Variants in PNLIP observed in about 807,000 individuals in gnomAD.
PNLIP encodes pancreatic triacylglycerol lipase.
In PNLIP, 49 loss-of-function variants were observed where a neutral mutation model predicts 57.1. The ratio of observed to expected loss-of-function variants is 0.86; its 90% CI spans 0.68 to 1.09. The LOEUF is 1.09. Among genes scored for constraint, PNLIP ranks in the 50% least tolerant of loss-of-function variants. PNLIP has a pLI of 0.00. For synonymous variants in PNLIP, 209 were observed against 200.4 expected (o/e 1.04, Z -0.36); for missense variants, 503 against 570.2 (o/e 0.88, Z 1.20).
chr10:116,548,274 C>CT (rs1275936460), intron 3 of PNLIP, 86 bp from the exon 4 acceptor site: 1 of 1,314,808 alleles, frequency 7.6e-7, no homozygotes, highest in Non-Finnish European at 1.1e-6. Flanking sequence ...TCCTAGCAGT[C>CT]TTCTACTTAC....
At chr10:116,553,182 T>G (rs936377616) in intron 5 of PNLIP, among the ~76,000 whole-genome samples, 1 of 152,222 alleles carries the variant, frequency 6.6e-6, no homozygotes, top group Non-Finnish European at 1.5e-5. Context: ...CTCGGCTCAC[T>G]GCAACTTCCG....
intron 6 of PNLIP, 68 bp downstream of exon 6, chr10:116,553,906 A>T: frequency 1.2e-6 from 1 of 865,196 alleles, no homozygotes; most frequent in Non-Finnish European, 1.8e-6. Flanking sequence ...CAGCAGTTTG[A>T]GGCCAATCTG....
At chr10:116,550,992 C>A in intron 4 of PNLIP, 106 bp from the exon 5 acceptor site, 2 of 879,508 alleles carry the variant, frequency 2.3e-6, no homozygotes, top group Non-Finnish European at 3.3e-6. Context: ...GTTAAAATGA[C>A]ATTGTGTGGG....
intron 10 of PNLIP, 130 bp from the exon 11 acceptor site, chr10:116,560,276 TACACACACAC>T (rs71301597): frequency 1.1e-3 from 480 of 425,174 alleles, no homozygotes; most frequent in Middle Eastern, 5.1e-3. Context: ...ATTAGAAAAT[TACACACACAC>T]ACACACACAC....
At chr10:116,562,104 TGG>T (rs1247544416) in intron 12 of PNLIP, among the ~76,000 whole-genome samples, 1 of 152,184 alleles carries the variant, frequency 6.6e-6, no homozygotes, top group Non-Finnish European at 1.5e-5. Context: ...CAACCAGGAC[TGG>T]AGTGTGTGGG....
At position 116,558,339 on chromosome 10, in the gene PNLIP, C is replaced by T. The variant is rs534279202; in HGVS notation, c.931-815C>T. On this transcript the variant is annotated intron_variant, in intron 9 of 12. Transcript: ENST00000369221. The stretch of plus-strand genomic sequence containing the variant: ...CCTCCCAAGTAGCTGGGACTACAGG[C>T]GCCCGCCACCATGCCCGGCTAATTT... 2.9e-3 allele frequency among the ~76,000 whole-genome samples: 437 copies of T among 151,608 alleles called. 2 individuals carry two copies. The highest frequency in any genetic ancestry group is 9.9e-3 in the African/African-American group (408 of 41,336).
rs769401846 is a variant in PNLIP, at chr10:116,567,798, G to A, written c.1398G>A (p.Ter466=). The part of the protein sequence containing the change: ...EEVLLTLTPC[*] ...TTCTGCTCACCCTCACACCGTGTTA[G>A]GAGACTACTGTTATTTGACCAATGA... is the stretch of plus-strand genomic sequence containing the variant. The change falls in exon 13 of 13, where the codon TAG becomes TAA. Residue 466 remains the stop codon, a stop_retained_variant. Coordinates refer to ENST00000369221, the MANE Select transcript of PNLIP (RefSeq NM_000936.4). 3 of 1,608,918 alleles carry A rather than the reference G, an allele frequency of 1.9e-6. No homozygotes were observed. The highest frequency in any genetic ancestry group is 2.6e-6 in the Non-Finnish European group (3 of 1,175,292).
At chr10:116,566,327 T>C (rs1847367383) in intron 12 of PNLIP, among the ~76,000 whole-genome samples, 1 of 152,198 alleles carries the variant, frequency 6.6e-6, no homozygotes, top group Non-Finnish European at 1.5e-5. Flanking sequence ...CACCTTAGAT[T>C]CCATTTATAT....
In PNLIP at chr10:116,560,520, T is replaced by C. The variant is rs1391311009; in HGVS notation, c.1165T>C (p.Phe389Leu). 1.4e-6 allele frequency: 2 copies of C among 1,447,630 alleles called. No individual in the cohort carries two copies. Among genetic ancestry groups the C allele is most frequent in the South Asian group, 1.2e-5 (1 of 83,862 alleles). 89.7% of individuals were successfully genotyped at this position (1,447,630 alleles called of 1,614,324 possible). Residue 389 changes from phenylalanine (F) to leucine (L), a missense_variant, in exon 11 of 13, where the codon TTC becomes CTC. Phe to Leu is a conservative substitution (Grantham distance 22, BLOSUM62 0). Transcript: ENST00000369221. ...NKGNSKQYEI[F>L]KGTLKPDSTH... Reference sequence around the variant, plus strand: ...AGGAAACTCTAAGCAGTATGAAATTTTCAAGTGAGTAAAATAATATTGCTC... The same window carrying C: ...AGGAAACTCTAAGCAGTATGAAATTCTCAAGTGAGTAAAATAATATTGCTC...
intron 8 of PNLIP, among the ~76,000 whole-genome samples, 171 bp downstream of exon 8, chr10:116,555,678 G>T (rs879362600): frequency 1.3e-5 from 2 of 152,198 alleles, no homozygotes; most frequent in African/African-American, 2.4e-5. Flanking sequence ...GGCATGAGGA[G>T]ACTGGGAAAG....
intron 9 of PNLIP, among the ~76,000 whole-genome samples, chr10:116,558,200 T>C (rs1275151486): frequency 1.6e-3 from 8 of 5,100 alleles, no homozygotes; most frequent in Admixed American, 0.012. Flanking sequence ...TCTTTCTTTC[T>C]TTTTTTTTTT....
At position 116,547,373 on chromosome 10, in the gene PNLIP, T is replaced by C. The variant is rs949948570; in HGVS notation, c.126T>C (p.His42=). 6.2e-7 allele frequency: 1 copy of C among 1,614,004 alleles called. No individual in the cohort carries two copies. The highest frequency in any genetic ancestry group is 8.5e-7 in the Non-Finnish European group (1 of 1,179,884). The part of the protein sequence containing the change: ...PWSGITERPL[H]ILPWSPKDVN... ...CAGGAATTACGGAAAGACCCCTCCA[T>C]ATATTGCCTTGGTCTCCAAAAGATG... Residue 42 remains histidine (H), a synonymous_variant, in exon 3 of 13, where the codon CAT becomes CAC. Transcript: ENST00000369221.
rs113389110 is a variant in PNLIP at position 116,553,927 on chromosome 10, C to A, written c.571+89C>A. ...TTTGAGGCCAATCTGGGCAACATAG[C>A]GAGACTCCTATCTCCTTAAAAAAAA... On this transcript the variant is annotated intron_variant, in intron 6 of 12. Coordinates refer to ENST00000369221, the MANE Select transcript of PNLIP (RefSeq NM_000936.4). 3.0e-4 allele frequency: 193 copies of A among 636,088 alleles called. No individual in the cohort carries two copies. The African/African-American group carries it at 3.1e-3, about 10-fold the overall frequency. 39.4% of individuals were successfully genotyped at this position (636,088 alleles called of 1,614,324 possible).
At position 116,555,277 on chromosome 10, in the gene PNLIP, C is replaced by A; in HGVS notation, c.671C>A (p.Ala224Asp). Residue 224 changes from alanine to aspartate, a missense_variant, in exon 7 of 13, where the codon GCC becomes GAC. Coordinates refer to ENST00000369221, the MANE Select transcript of PNLIP (RefSeq NM_000936.4). Reference sequence around the variant, plus strand: ...GTGGATGTAATTCACACGGATGGTGCCCCCATAGTCCCCAATTTGGGTGAG... The same window carrying A: ...GTGGATGTAATTCACACGGATGGTGACCCCATAGTCCCCAATTTGGGTGAG... ...KFVDVIHTDG[A>D]PIVPNLGFGM... The A allele has an allele frequency of 6.2e-7, 1 of 1,614,136 alleles. No homozygotes were observed. The highest frequency in any genetic ancestry group is 1.1e-5 in the South Asian group (1 of 91,082).
chr10:116,549,433 C>G (rs1188439958), intron 4 of PNLIP, among the ~76,000 whole-genome samples: 1 of 151,986 alleles, frequency 6.6e-6, no homozygotes, highest in South Asian at 2.1e-4. Context: ...GAGCCAAGAT[C>G]GTGCCACTGC....
At position 116,553,779 on chromosome 10, in the gene PNLIP, G is replaced by T. The variant is rs1847221020; in HGVS notation, c.512G>T (p.Gly171Val). 6.2e-7 allele frequency: 1 copy of T among 1,613,490 alleles called. No individual in the cohort carries two copies. The highest frequency in any genetic ancestry group is 1.3e-5 in the African/African-American group (1 of 74,970). ...SNVHVIGHSL[G>V]AHAAGEAGRR... ...GTGCATGTCATTGGCCACAGCCTGGGTGCCCACGCTGCTGGGGAGGCTGGA... is the reference window on the plus strand; with the variant it reads ...GTGCATGTCATTGGCCACAGCCTGGTTGCCCACGCTGCTGGGGAGGCTGGA... The change falls in exon 6 of 13, where the codon GGT becomes GTT. Residue 171 changes from glycine (G) to valine (V), a missense_variant. By Grantham distance (109) the Gly-to-Val change is moderately radical. Coordinates refer to ENST00000369221, the MANE Select transcript of PNLIP (RefSeq NM_000936.4).
chr10:116,563,580 T>C (rs1192532634), intron 12 of PNLIP, among the ~76,000 whole-genome samples: 1 of 152,118 alleles, frequency 6.6e-6, no homozygotes, highest in Non-Finnish European at 1.5e-5. Flanking sequence ...GTCCTTTGTA[T>C]CATTCTTATG....
chr10:116,546,285 C>A, intron 2 of PNLIP, 147 bp downstream of exon 2: 1 of 677,158 alleles, frequency 1.5e-6, no homozygotes, highest in South Asian at 1.8e-5. Context: ...AGCACAGGTA[C>A]ATGGAGTAGG....
At chr10:116,555,062 C>A in intron 6 of PNLIP, 116 bp from the exon 7 acceptor site, 3 of 1,165,578 alleles carry the variant, frequency 2.6e-6, no homozygotes, top group Non-Finnish European at 3.7e-6. Flanking sequence ...TCCTCTTCAG[C>A]AAATGGTCAG....
Sources: allele counts gnomAD v4.1 joint callset (sites outside exome capture counted in the v4.1 genomes callset), GRCh38; gene constraint gnomAD v4.1.1; transcripts MANE v1.5; gene names NCBI Gene and HGNC (gene_info 2026-07-23, HGNC 2026-07-21).